IREB2: variants seen among roughly 807,000 people sequenced by gnomAD.
IREB2 encodes iron-responsive element-binding protein 2.
IREB2 carries 39 observed loss-of-function variants against 118.8 expected under a neutral mutation model. That is an observed-to-expected ratio of 0.33 (90% confidence interval 0.25 to 0.43). The LOEUF (loss-of-function observed/expected upper bound fraction) is 0.43, where lower values mean the gene tolerates loss of function less well. Among genes scored for constraint, IREB2 ranks in the 20% least tolerant of loss-of-function variants. The pLI, the probability that IREB2 is intolerant of heterozygous loss-of-function variation, is 1.00. For missense variants in IREB2, 900 were observed against 1,147.3 expected (o/e 0.78, Z 3.11); for synonymous variants, 372 against 392.2 (o/e 0.95, Z 0.61).
At chr15:78,459,006 G>T (rs1359601649) in intron 2 of IREB2, among the ~76,000 whole-genome samples, 1 of 151,984 alleles carries the variant, frequency 6.6e-6, no homozygotes, top group African/African-American at 2.4e-5. Context: ...CCACCATGTT[G>T]CCCAGGCTAG....
In IREB2 at chr15:78,476,272, A is replaced by G. The variant is rs2051468731; in HGVS notation, c.1108A>G (p.Thr370Ala). ...ACAATTATCTATAGTTGATCGAACT[A>G]CAATAGCAAACATGTGTCCGGAATA... ...VSQLSIVDRT[T>A]IANMCPEYGA... The change falls in exon 9 of 22, where the codon ACA (threonine) becomes GCA (alanine). Residue 370 changes from threonine (T) to alanine (A), a missense_variant. Physicochemically the swap from Thr to Ala is moderately conservative, Grantham distance 58. Transcript: ENST00000258886. The G allele has an allele frequency of 1.2e-6, 2 of 1,610,548 alleles. No homozygotes were observed. The highest frequency in any genetic ancestry group is 2.2e-5 in the East Asian group (1 of 44,818).
intron 18 of IREB2, among the ~76,000 whole-genome samples, chr15:78,492,249 C>T (rs1023753827): frequency 6.6e-6 from 1 of 151,900 alleles, no homozygotes; most frequent in Non-Finnish European, 1.5e-5. Context: ...GTAGCAATAC[C>T]CCCCGCACCC....
chr15:78,485,157 T>C (rs1001591048), intron 12 of IREB2, among the ~76,000 whole-genome samples: 1 of 152,256 alleles, frequency 6.6e-6, no homozygotes, highest in Non-Finnish European at 1.5e-5. Flanking sequence ...AGGTTGTATC[T>C]GCTTCTCTTG....
intron 1 of IREB2, 45 bp downstream of exon 1, chr15:78,438,401 C>A: frequency 6.3e-7 from 1 of 1,582,304 alleles, no homozygotes; most frequent in Non-Finnish European, 8.6e-7. Context: ...TGGAAACGCG[C>A]GCTGCCTAGG....
chr15:78,464,254 A>G (rs187528438), intron 3 of IREB2, among the ~76,000 whole-genome samples: 214 of 152,318 alleles, frequency 1.4e-3, no homozygotes, highest in African/African-American at 5.1e-3. Flanking sequence ...GGCTTCCATC[A>G]CACTTAAAAT....
At chr15:78,446,987 A>G (rs965860759) in intron 2 of IREB2, among the ~76,000 whole-genome samples, 1 of 152,178 alleles carries the variant, frequency 6.6e-6, no homozygotes, top group African/African-American at 2.4e-5. Context: ...AAGAGAAGAA[A>G]AAAAACTTTC....
intron 2 of IREB2, among the ~76,000 whole-genome samples, chr15:78,446,028 T>C (rs2568490): frequency 0.77 from 116,750 of 152,126 alleles, 45,015 homozygotes; most frequent in African/African-American, 0.81. Flanking sequence ...AAGTGATCCT[T>C]CTGCCTCAGC....
chr15:78,491,613 T>G (rs966886708), intron 18 of IREB2, among the ~76,000 whole-genome samples: 2 of 152,136 alleles, frequency 1.3e-5, no homozygotes, highest in African/African-American at 4.8e-5. Context: ...TTCTCCTACC[T>G]CAGCCTCCCA....
chr15:78,467,208 CAAAAA>C (rs377224708), intron 5 of IREB2, among the ~76,000 whole-genome samples: 2 of 99,940 alleles, frequency 2.0e-5, no homozygotes, highest in Non-Finnish European at 1.9e-5. Flanking sequence ...GAGACTGTCG[CAAAAA>C]AAAAAAAAAA....
Position 78,476,282 on chromosome 15 carries a change from A to C in IREB2, c.1118A>C (p.Asn373Thr), listed in dbSNP as rs1022321303. ...LSIVDRTTIA[N>T]MCPEYGAILS... ...ATAGTTGATCGAACTACAATAGCAA[A>C]CATGTGTCCGGAATATGGTGCTATC... Residue 373 changes from asparagine (N) to threonine (T), a missense_variant, in exon 9 of 22, where the codon AAC becomes ACC. Coordinates refer to ENST00000258886, the MANE Select transcript of IREB2 (RefSeq NM_004136.4). 6.2e-7 allele frequency: 1 copy of C among 1,610,070 alleles called. No individual in the cohort carries two copies. Among genetic ancestry groups the C allele is most frequent in the African/African-American group, 1.3e-5 (1 of 74,988 alleles).
At position 78,497,153 on chromosome 15, in the gene IREB2, T is replaced by C. The variant is rs1253519127; in HGVS notation, c.2623T>C (p.Tyr875His). The part of the protein sequence containing the change: ...LGVKAVLAES[Y>H]EKIHKDHLIG... ...TGTGAAAGCTGTTTTGGCCGAAAGT[T>C]ATGAAAAAATACACAAAGATCATTT... Residue 875 changes from tyrosine to histidine, a missense_variant, in exon 21 of 22, where the codon TAT (tyrosine) becomes CAT (histidine). Tyr to His is a moderately conservative substitution (Grantham distance 83, BLOSUM62 2). Coordinates refer to ENST00000258886, the MANE Select transcript of IREB2 (RefSeq NM_004136.4). 5 of 1,613,796 alleles carry C rather than the reference T, an allele frequency of 3.1e-6. No homozygotes were observed.
At chr15:78,486,216 AT>A in intron 13 of IREB2, among the ~76,000 whole-genome samples, 1 of 152,252 alleles carries the variant, frequency 6.6e-6, no homozygotes, top group Non-Finnish European at 1.5e-5. Context: ...TATAGTTTGC[AT>A]TTATTAACTG....
At position 78,488,638 on chromosome 15, in the gene IREB2, T is replaced by C; in HGVS notation, c.1952-9T>C. 6.3e-7 allele frequency: 1 copy of C among 1,586,416 alleles called. No individual in the cohort carries two copies. ...TTTACTGAGTATCATGTTCAAAAAT[T>C]TTAACCAGGTACTGACCCCACCGGC... On this transcript the variant is annotated splice_polypyrimidine_tract_variant and intron_variant, in intron 15 of 21. Transcript: ENST00000258886.
intron 1 of IREB2, chr15:78,438,712 C>T: frequency 8.1e-6 from 3 of 368,178 alleles, no homozygotes; most frequent in Non-Finnish European, 1.0e-5. Flanking sequence ...GCCCGCCCCC[C>T]ATTGGCGAGC....
At chr15:78,450,320 A>G (rs1291213716) in intron 2 of IREB2, among the ~76,000 whole-genome samples, 1 of 152,240 alleles carries the variant, frequency 6.6e-6, no homozygotes, top group Non-Finnish European at 1.5e-5. Context: ...CTATGGTAAG[A>G]GTAATTGTAA....
intron 8 of IREB2, 60 bp downstream of exon 8, chr15:78,473,441 G>T: frequency 7.0e-7 from 1 of 1,437,184 alleles, no homozygotes; most frequent in East Asian, 2.3e-5. Flanking sequence ...AAAAATTGAA[G>T]AGCTCTATGA....
Position 78,442,078 on chromosome 15 carries a change from A to G in IREB2, c.106+2197A>G, listed in dbSNP as rs867142340. ...TGCATCACCACACCCAGCTAGTTGTAGAGATGGTGGTTTTACCATGTTGGT... is the reference window on the plus strand; with the variant it reads ...TGCATCACCACACCCAGCTAGTTGTGGAGATGGTGGTTTTACCATGTTGGT... On this transcript the variant is annotated intron_variant, in intron 2 of 21. Coordinates refer to ENST00000258886, the MANE Select transcript of IREB2 (RefSeq NM_004136.4). Among the ~76,000 whole-genome samples the G allele has an allele frequency of 5.2e-4, 79 of 152,022 alleles. 1 individual carries two copies. The highest frequency in any genetic ancestry group is 1.9e-3 in the African/African-American group (78 of 41,468).
intron 7 of IREB2, among the ~76,000 whole-genome samples, chr15:78,472,334 A>C (rs2051393162): frequency 6.6e-6 from 1 of 150,390 alleles, no homozygotes; most frequent in African/African-American, 2.4e-5. Context: ...TCATTTCTTT[A>C]CTTACGTGGG....
intron 2 of IREB2, among the ~76,000 whole-genome samples, chr15:78,448,085 A>T (rs1437372398): frequency 6.6e-6 from 1 of 152,212 alleles, no homozygotes; most frequent in Non-Finnish European, 1.5e-5. Flanking sequence ...CTTATGCAGG[A>T]ATCTGTTTTG....
Sources: allele counts gnomAD v4.1 joint callset (sites outside exome capture counted in the v4.1 genomes callset), GRCh38; gene constraint gnomAD v4.1.1; transcripts MANE v1.5; gene names NCBI Gene and HGNC (gene_info 2026-07-23, HGNC 2026-07-21).